Variants in RERE observed in about 807,000 individuals in gnomAD.
The protein encoded by RERE is arginine-glutamic acid dipeptide repeats protein.
A neutral mutation model predicts 146.1 loss-of-function variants in RERE; 40 were observed. That is an observed-to-expected ratio of 0.27 (90% CI 0.21 to 0.36). The LOEUF (loss-of-function observed/expected upper bound fraction) is 0.36, where lower values mean the gene tolerates loss of function less well. RERE is among the 10% of genes least tolerant of loss of function. The pLI is 1.00. For synonymous variants in RERE, 1,003 were observed against 866.0 expected (o/e 1.16, Z -2.78); for missense variants, 1,933 against 2,138.7 (o/e 0.90, Z 1.90).
At chr1:8,646,522 A>ACC (rs1450335034) in intron 2 of RERE, among the ~76,000 whole-genome samples, 1 of 149,678 alleles carries the variant, frequency 6.7e-6, no homozygotes, top group Non-Finnish European at 1.5e-5. Flanking sequence ...ACAGAGTGAG[A>ACC]CCCTTCCCCG....
At chr1:8,502,760 T>C (rs952401801) in intron 8 of RERE, among the ~76,000 whole-genome samples, 19 of 148,682 alleles carry the variant, frequency 1.3e-4, no homozygotes, top group African/African-American at 4.0e-4. Context: ...TTCTTCTGCC[T>C]TGGGATCCTG....
intron 7 of RERE, among the ~76,000 whole-genome samples, chr1:8,524,863 G>A (rs1396416629): frequency 1.3e-5 from 2 of 152,124 alleles, no homozygotes; most frequent in Non-Finnish European, 2.9e-5. Context: ...CAGTGGGTAC[G>A]AAATGAGGCC....
chr1:8,591,094 C>T (rs6659956), intron 4 of RERE, among the ~76,000 whole-genome samples: 1,691 of 152,266 alleles, frequency 0.011, 31 homozygotes, highest in African/African-American at 0.039. Flanking sequence ...CCTCTTCCAA[C>T]TGAGACTCTG....
rs1482969216 is a variant in RERE at position 8,358,608 on chromosome 1, G to C, written c.3927C>G (p.Ile1309Met). The C allele has an allele frequency of 6.3e-7, 1 of 1,598,184 alleles. No homozygotes were observed. Among genetic ancestry groups the C allele is most frequent in the Non-Finnish European group, 8.5e-7 (1 of 1,172,946 alleles). The change falls in exon 20 of 23, where the codon ATC (isoleucine) becomes ATG (methionine). Residue 1309 changes from isoleucine (I) to methionine (M), a missense_variant. This residue lies in a region of RERE where 1,255 missense variants were observed against 1,153.8 expected (regional missense o/e 1.09). Transcript: ENST00000400908. ...IRERELRERE[I>M]REREIREREL... ...CCCGCTCTCGGATCTCCCGCTCTCG[G>C]ATCTCCCGCTCCCGGAGCTCCCGCT...
chr1:8,775,845 T>C (rs1416159466), intron 1 of RERE, among the ~76,000 whole-genome samples: 1 of 152,234 alleles, frequency 6.6e-6, no homozygotes, highest in Non-Finnish European at 1.5e-5. Flanking sequence ...TAGGTATTAC[T>C]ACTATCTCCA....
At chr1:8,792,547 C>T (rs1199435241) in intron 1 of RERE, 1 of 152,168 alleles carries the variant, frequency 6.6e-6, no homozygotes, top group African/African-American at 2.4e-5. Context: ...GGTTGTGACC[C>T]GGTGCTGAGC....
intron 4 of RERE, among the ~76,000 whole-genome samples, chr1:8,611,999 T>C (rs1022822772): frequency 5.9e-5 from 9 of 152,308 alleles, no homozygotes; most frequent in African/African-American, 1.9e-4. Context: ...AGTAAAAATG[T>C]TGCCTCTCCA....
chr1:8,462,478 G>A (rs1644539554), intron 11 of RERE, among the ~76,000 whole-genome samples: 1 of 152,228 alleles, frequency 6.6e-6, no homozygotes, highest in Non-Finnish European at 1.5e-5. Flanking sequence ...GCTGAGACTG[G>A]AGAACGAGTA....
chr1:8,580,104 T>C (rs776381657), intron 4 of RERE, among the ~76,000 whole-genome samples: 2 of 152,360 alleles, frequency 1.3e-5, no homozygotes, highest in East Asian at 1.9e-4. Flanking sequence ...ACTGACATTA[T>C]AGACAACGTC....
chr1:8,708,123 C>G (rs1046533522), intron 1 of RERE, among the ~76,000 whole-genome samples: 1 of 152,112 alleles, frequency 6.6e-6, no homozygotes, highest in African/African-American at 2.4e-5. Flanking sequence ...CTGTCCTATA[C>G]AGAATACGGA....
At chr1:8,791,532 A>C (rs1276910688) in intron 1 of RERE, among the ~76,000 whole-genome samples, 1 of 152,254 alleles carries the variant, frequency 6.6e-6, no homozygotes, top group Non-Finnish European at 1.5e-5. Context: ...CCTTATTAAC[A>C]GCCAAATGCC....
At chr1:8,795,651 T>C (rs1641455807) in intron 1 of RERE, among the ~76,000 whole-genome samples, 1 of 152,084 alleles carries the variant, frequency 6.6e-6, no homozygotes, top group Admixed American at 6.6e-5. Context: ...GCACAGAGGC[T>C]ATCACAGTTC....
chr1:8,470,419 G>T (rs372708362), intron 10 of RERE, among the ~76,000 whole-genome samples: 1 of 151,586 alleles, frequency 6.6e-6, no homozygotes, highest in African/African-American at 2.4e-5. Flanking sequence ...CCACCACCAC[G>T]CCCGGCTAAT....
chr1:8,797,424 G>C (rs139819457), intron 1 of RERE, among the ~76,000 whole-genome samples: 93 of 151,390 alleles, frequency 6.1e-4, no homozygotes, highest in African/African-American at 2.1e-3. Flanking sequence ...ATACACGCCA[G>C]ATCATTATTG....
At chr1:8,669,814 T>A (rs1049388231) in intron 1 of RERE, among the ~76,000 whole-genome samples, 1 of 152,180 alleles carries the variant, frequency 6.6e-6, no homozygotes, top group African/African-American at 2.4e-5. Context: ...TCAAAGTAAT[T>A]TGCAACCATG....
chr1:8,401,017 C>CA (rs142269202), intron 12 of RERE, among the ~76,000 whole-genome samples: 1,012 of 65,066 alleles, frequency 0.016, 44 homozygotes, highest in Non-Finnish European at 0.022. Flanking sequence ...GACTCTGTCT[C>CA]AAAAAAAAAA....
intron 3 of RERE, among the ~76,000 whole-genome samples, chr1:8,619,878 C>T (rs1248877882): frequency 6.6e-6 from 1 of 152,166 alleles, no homozygotes; most frequent in Non-Finnish European, 1.5e-5. Flanking sequence ...GACTGACATC[C>T]AATAATGCCA....
At chr1:8,784,436 G>A (rs1381521350) in intron 1 of RERE, among the ~76,000 whole-genome samples, 2 of 151,948 alleles carry the variant, frequency 1.3e-5, no homozygotes, top group African/African-American at 4.8e-5. Flanking sequence ...AAGCTCCACA[G>A]AGGCAGGGTT....
intron 1 of RERE, among the ~76,000 whole-genome samples, chr1:8,783,651 T>C (rs534721959): frequency 3.9e-5 from 6 of 152,236 alleles, no homozygotes; most frequent in African/African-American, 9.6e-5. Context: ...TAAACAGAAA[T>C]TAAATTTTTT....
Sources: allele counts gnomAD v4.1 joint callset (sites outside exome capture counted in the v4.1 genomes callset), GRCh38; gene constraint gnomAD v4.1.1; regional missense constraint gnomAD v4.1.1; transcripts MANE v1.5; gene names NCBI Gene and HGNC (gene_info 2026-07-23, HGNC 2026-07-21).